The following SLC4A2 variants were observed in gnomAD, a reference collection of about 807,000 sequenced individuals.
SLC4A2 encodes the protein anion exchange protein 2.
SLC4A2 carries 36 observed loss-of-function variants against 115.0 expected under a neutral mutation model. The ratio of observed to expected loss-of-function variants is 0.31; its 90% CI spans 0.24 to 0.41. The LOEUF is 0.41. Among genes scored for constraint, SLC4A2 ranks in the 10% least tolerant of loss-of-function variants. The pLI is 1.00. For synonymous variants in SLC4A2, 708 were observed against 708.3 expected (o/e 1.00, Z 0.01); for missense variants, 1,252 against 1,705.6 (o/e 0.73, Z 4.68).
chr7:151,063,755 GTC>G (rs766790209), intron 2 of SLC4A2, among the ~76,000 whole-genome samples: 13 of 152,092 alleles, frequency 8.5e-5, no homozygotes, highest in Non-Finnish European at 1.5e-4. Flanking sequence ...TTGAGACGGA[GTC>G]TCACTCTGTC....
At chr7:151,073,956 C>G in intron 16 of SLC4A2, 83 bp from the exon 17 acceptor site, 2 of 1,423,376 alleles carry the variant, frequency 1.4e-6, no homozygotes, top group Non-Finnish European at 1.9e-6. Context: ...CCCTGCCCCA[C>G]CCCTTCCACC....
rs776189342 is a variant in SLC4A2 at position 151,074,795 on chromosome 7, G to C, written c.3001G>C (p.Ala1001Pro). Residue 1001 changes from alanine (A) to proline (P), a missense_variant, in exon 19 of 23, where the codon GCC (alanine) becomes CCC (proline). Physicochemically the swap from Ala to Pro is conservative, Grantham distance 27. Coordinates refer to ENST00000413384, the MANE Select transcript of SLC4A2 (RefSeq NM_003040.4). ...GATGATGGTTGCCAGCCTGCTGCCC[G>C]CCATCCTGGTCTTCATTCTCATCTT... ...VWMMVASLLP[A>P]ILVFILIFME... 6.2e-7 allele frequency: 1 copy of C among 1,612,976 alleles called. No homozygotes were observed.
At position 151,076,477 on chromosome 7, in the gene SLC4A2, G is replaced by A. The variant is rs1797651903; in HGVS notation, c.*110G>A. ...TTTTTATTTAAGTGAATAATTTAAA[G>A]TCTTCTCCTCCCCCACTGCCCCTGC... On this transcript the variant is annotated 3_prime_UTR_variant, in exon 23 of 23. Transcript: ENST00000413384. 1.0e-6 allele frequency: 1 copy of A among 953,824 alleles called. No individual in the cohort carries two copies. The highest frequency in any genetic ancestry group is 1.5e-6 in the Non-Finnish European group (1 of 668,156). 59.1% of individuals were successfully genotyped at this position (953,824 alleles called of 1,614,324 possible). A position where few individuals can be genotyped will look rare whatever the true frequency, so the allele number is the denominator to read the frequency against.
chr7:151,075,550 G>A, intron 20 of SLC4A2, 42 bp downstream of exon 20: 1 of 1,590,000 alleles, frequency 6.3e-7, no homozygotes, highest in Non-Finnish European at 8.5e-7. Context: ...GGATTCCCCA[G>A]GGCTACTGGG....
chr7:151,066,960 G>T lies in SLC4A2; in HGVS notation c.933G>T (p.Arg311=). The T allele has an allele frequency of 6.2e-7, 1 of 1,608,936 alleles. No individual in the cohort carries two copies. Among genetic ancestry groups the T allele is most frequent in the Non-Finnish European group, 8.5e-7 (1 of 1,178,506 alleles). ...GGCGGGAGCCTGGCCCCACACCTCG[G>T]GCCCGACCCCGGGCCCCCCACAAGC... is the stretch of plus-strand genomic sequence containing the variant. ...REGREPGPTP[R]ARPRAPHKPH... The change falls in exon 7 of 23, where the codon CGG becomes CGT. Residue 311 remains arginine (R), a synonymous_variant. Transcript: ENST00000413384.
In SLC4A2 at chr7:151,072,107, A is replaced by G; in HGVS notation, c.2506A>G (p.Ile836Val). ...CGCCTTCTTGATCTCACTCATCTTCATCTATGAGACCTTCTACAAGCTGGT... is the reference window on the plus strand; with the variant it reads ...CGCCTTCTTGATCTCACTCATCTTCGTCTATGAGACCTTCTACAAGCTGGT... ...IFAFLISLIF[I>V]YETFYKLVKI... The change falls in exon 16 of 23, where the codon ATC becomes GTC. Residue 836 changes from isoleucine (I) to valine (V), a missense_variant. Ile to Val is a conservative substitution (Grantham distance 29). Transcript: ENST00000413384. 6.2e-7 allele frequency: 1 copy of G among 1,613,458 alleles called. No homozygotes were observed. The highest frequency in any genetic ancestry group is 8.5e-7 in the Non-Finnish European group (1 of 1,179,874).
rs751708693 is a variant in SLC4A2 at position 151,067,979 on chromosome 7, G to A, written c.1072G>A (p.Glu358Lys). 4.1e-5 allele frequency: 66 copies of A among 1,604,974 alleles called. No homozygotes were observed. Among genetic ancestry groups the A allele is most frequent in the African/African-American group, 9.4e-5 (7 of 74,224 alleles). The change falls in exon 8 of 23, where the codon GAG (glutamate) becomes AAG (lysine). Residue 358 changes from glutamate to lysine, a missense_variant. Coordinates refer to ENST00000413384, the MANE Select transcript of SLC4A2 (RefSeq NM_003040.4). ...TGAAGAGGACGTGGAGGAGGAGACT[G>A]AGCGCTGGGGGAAGCCCCACGTGGC... ...KFEEDVEEET[E>K]RWGKPHVASL...
At chr7:151,062,457 C>A in intron 2 of SLC4A2, 23 of 1,128,586 alleles carry the variant, frequency 2.0e-5, no homozygotes, top group African/African-American at 3.2e-5. Context: ...GCCCGCCCCT[C>A]CCTGCCCCCA....
At chr7:151,075,969 G>T (rs1265269900) in intron 21 of SLC4A2, 44 bp from the exon 22 acceptor site, 22 of 1,528,596 alleles carry the variant, frequency 1.4e-5, no homozygotes, top group Non-Finnish European at 1.8e-5. Flanking sequence ...CTTCCCAGCA[G>T]CAGGCTAGGG....
At chr7:151,070,369 C>G in intron 10 of SLC4A2, 23 bp downstream of exon 10, 1 of 1,609,560 alleles carries the variant, frequency 6.2e-7, no homozygotes, top group South Asian at 1.1e-5. Context: ...CCAGCCCTGC[C>G]TGGGCTGGCG....
chr7:151,068,770 T>C (rs1163212398), intron 8 of SLC4A2, among the ~76,000 whole-genome samples: 10 of 151,870 alleles, frequency 6.6e-5, no homozygotes, highest in Non-Finnish European at 1.5e-4. Context: ...TTTACCCGCC[T>C]CAGCCTCCCA....
At chr7:151,075,208 G>C in intron 19 of SLC4A2, 47 bp from the exon 20 acceptor site, 1 of 1,607,060 alleles carries the variant, frequency 6.2e-7, no homozygotes, top group Non-Finnish European at 8.5e-7. Context: ...TGTGGTCTGC[G>C]GAGCTGAGTC....
chr7:151,063,070 G>T, intron 2 of SLC4A2: 2 of 1,516,128 alleles, frequency 1.3e-6, no homozygotes, highest in Non-Finnish European at 1.8e-6. Context: ...TGGGTGGGGG[G>T]CTGGACCAAG....
chr7:151,070,861 A>G lies in SLC4A2; in HGVS notation c.1699A>G (p.Met567Val). 1 of 1,613,700 alleles carries G rather than the reference A, an allele frequency of 6.2e-7. No individual in the cohort carries two copies. Among genetic ancestry groups the G allele is most frequent in the Non-Finnish European group, 8.5e-7 (1 of 1,179,990 alleles). Residue 567 changes from methionine (M) to valine (V), a missense_variant, in exon 12 of 23, where the codon ATG (methionine) becomes GTG (valine). Met to Val is a conservative substitution (Grantham distance 21). Around this residue, in one of 14 missense-constraint regions of SLC4A2, gnomAD observed 87 missense variants for 170.3 expected, o/e 0.51. Coordinates refer to ENST00000413384, the MANE Select transcript of SLC4A2 (RefSeq NM_003040.4). ...GCTGCTGGGCCCGAGTAGTGCCAACATGGACTACCACGAGATCGGCCGCTC... is the reference window on the plus strand; with the variant it reads ...GCTGCTGGGCCCGAGTAGTGCCAACGTGGACTACCACGAGATCGGCCGCTC... The part of the protein sequence containing the change: ...FLLLGPSSAN[M>V]DYHEIGRSIS...
intron 17 of SLC4A2, 24 bp from the exon 18 acceptor site, chr7:151,074,375 T>C (rs1797545425): frequency 6.2e-7 from 1 of 1,612,900 alleles, no homozygotes; most frequent in East Asian, 2.2e-5. Context: ...GGCAGGACTC[T>C]GAGCGCTGTG....
At chr7:151,062,756 G>T in intron 2 of SLC4A2, 1 of 1,389,416 alleles carries the variant, frequency 7.2e-7, no homozygotes, top group Admixed American at 3.3e-5. Context: ...TCTGGTGGGA[G>T]TGGGGCTGGG....
rs373172302 is a variant in SLC4A2 at position 151,066,716 on chromosome 7, A to G, written c.778A>G (p.Ile260Val). ...GCTGCCCCGGGTCCCCACGGATGAG[A>G]TTGAGGCCCAGACGCTGGCCACGGC... The part of the protein sequence containing the change: ...ALLPRVPTDE[I>V]EAQTLATADL... The change falls in exon 6 of 23, where the codon ATT becomes GTT. Residue 260 changes from isoleucine to valine, a missense_variant. By Grantham distance (29) the Ile-to-Val change is conservative (BLOSUM62 3). Transcript: ENST00000413384. 3 of 1,553,980 alleles carry G rather than the reference A, an allele frequency of 1.9e-6. No individual in the cohort carries two copies. In the African/African-American group the frequency reaches 4.1e-5, roughly 21 times the overall value.
In SLC4A2 at chr7:151,071,346, GGGCAAGAGGGGCT is replaced by G; in HGVS notation, c.1976-41_1976-29del. On this transcript the variant is annotated intron_variant, in intron 13 of 22. Coordinates refer to ENST00000413384, the MANE Select transcript of SLC4A2 (RefSeq NM_003040.4). The surrounding 1 kb of genome is among the most constrained non-coding windows in gnomAD (Gnocchi z 5.5). ...CAGGGCTGCCTCGAGGGGGTGAGGT[GGGCAAGAGGGGCT>G]GGGGCGCCCTGACGGAGGCCTGGGT... 1 of 1,549,198 alleles carries G rather than the reference GGGCAAGAGGGGCT, an allele frequency of 6.5e-7. No homozygotes were observed.
intron 16 of SLC4A2, 77 bp from the exon 17 acceptor site, chr7:151,073,962 C>T (rs754647055): frequency 8.2e-6 from 12 of 1,456,476 alleles, no homozygotes; most frequent in Non-Finnish European, 1.0e-5. Context: ...CCCACCCCTT[C>T]CACCCGACAC....
Sources: gnomAD v4.1 joint callset for allele counts (sites outside exome capture counted in the v4.1 genomes callset) on GRCh38, gnomAD v4.1.1 for gene constraint, gnomAD v4.1.1 regional missense constraint, Gnocchi (gnomAD v3.1) non-coding constraint, MANE v1.5 for transcripts, NCBI Gene and HGNC (gene_info 2026-07-23, HGNC 2026-07-21) for gene names.